Variants in GALNT18 observed in about 807,000 individuals in gnomAD.
GALNT18 encodes GalNAc-transferase 18.
In GALNT18, 44 loss-of-function variants were observed where a neutral mutation model predicts 69.5. The observed-to-expected ratio is 0.63, with a 90% CI of 0.50 to 0.81. The LOEUF (loss-of-function observed/expected upper bound fraction) is 0.81, where lower values mean the gene tolerates loss of function less well. Ranked by LOEUF, GALNT18 falls within the 40% of genes least tolerant of loss-of-function variation. The pLI is 0.00. For missense variants in GALNT18, 715 were observed against 810.0 expected (o/e 0.88, Z 1.42); for synonymous variants, 364 against 318.2 (o/e 1.14, Z -1.53).
chr11:11,578,963 G>A (rs1320884917), intron 1 of GALNT18, among the ~76,000 whole-genome samples: 2 of 152,198 alleles, frequency 1.3e-5, no homozygotes, highest in East Asian at 3.9e-4. Context: ...GGATGGGGTG[G>A]CCTCTCTTGC....
intron 1 of GALNT18, among the ~76,000 whole-genome samples, chr11:11,609,176 AC>A (rs1428239364): frequency 1.3e-5 from 2 of 152,028 alleles, no homozygotes; most frequent in Non-Finnish European, 2.9e-5. Context: ...CTCTCTGCTC[AC>A]CCCCTCTGGT....
chr11:11,445,088 A>T (rs957878544), intron 2 of GALNT18, among the ~76,000 whole-genome samples: 2 of 152,160 alleles, frequency 1.3e-5, no homozygotes, highest in Non-Finnish European at 2.9e-5. Flanking sequence ...TCCCTCCAAA[A>T]CTGATCAGCA....
Position 11,494,188 on chromosome 11 carries a change from G to GAAT in GALNT18, c.236-45255_236-45253dup, listed in dbSNP as rs944161734. Among the ~76,000 whole-genome samples, 1 of 152,128 alleles carries GAAT rather than the reference G, an allele frequency of 6.6e-6. No homozygotes were observed. Among genetic ancestry groups the GAAT allele is most frequent in the African/African-American group, 2.4e-5 (1 of 41,430 alleles). ...CATCAGGAATAAGATAAGATGAAAG[G>GAAT]AATACAGTCCCAGGAGTAGGAGCTA... is the stretch of plus-strand genomic sequence containing the variant. On this transcript the variant is annotated intron_variant, in intron 1 of 10. Transcript: ENST00000227756. The surrounding 1 kb of genome is among the most constrained non-coding windows in gnomAD (Gnocchi z 5.7).
In GALNT18 at chr11:11,553,171, G is replaced by A. The variant is rs186341485; in HGVS notation, c.235+68188C>T. Among the ~76,000 whole-genome samples the A allele has an allele frequency of 3.5e-4, 53 of 152,242 alleles. No individual in the cohort carries two copies. The Middle Eastern group carries it at 0.01, about 29-fold the overall frequency. ...GAAAGCAAGCCCTCCAGGTGACTCC[G>A]ACCTACTCTCAAGTTCGAGAACCAC... On this transcript the variant is annotated intron_variant, in intron 1 of 10. Coordinates refer to ENST00000227756, the MANE Select transcript of GALNT18 (RefSeq NM_198516.3).
rs1486912429 is a variant in GALNT18 at position 11,436,634 on chromosome 11, T to C, written c.429-3847A>G. Among the ~76,000 whole-genome samples, 2 of 152,212 alleles carry C rather than the reference T, an allele frequency of 1.3e-5. No homozygotes were observed. The highest frequency in any genetic ancestry group is 2.9e-5 in the Non-Finnish European group (2 of 68,052). Reference sequence around the variant, plus strand: ...CAAAACACACGTTCATGCCACATCATGACACGGTCTGTAGTTCGTATCTTC... The same window carrying C: ...CAAAACACACGTTCATGCCACATCACGACACGGTCTGTAGTTCGTATCTTC... On this transcript the variant is annotated intron_variant, in intron 2 of 10. Coordinates refer to ENST00000227756, the MANE Select transcript of GALNT18 (RefSeq NM_198516.3). This position sits in a 1 kb window ranked among gnomAD's most constrained non-coding sequence, Gnocchi z 4.5.
rs944561501 is a variant in GALNT18 at position 11,586,695 on chromosome 11, C to A, written c.235+34664G>T. 6.6e-6 allele frequency among the ~76,000 whole-genome samples: 1 copy of A among 152,118 alleles called. No individual in the cohort carries two copies. On this transcript the variant is annotated intron_variant, in intron 1 of 10. Coordinates refer to ENST00000227756, the MANE Select transcript of GALNT18 (RefSeq NM_198516.3). The surrounding 1 kb of genome is among the most constrained non-coding windows in gnomAD (Gnocchi z 4.1). ...CAGTTCTTAAAATACTGAAATAGGC[C>A]GGGCTTGGTAGCTCATGCCTGTAAT...
chr11:11,306,622 A>T (rs185079966), intron 9 of GALNT18, among the ~76,000 whole-genome samples: 109 of 152,344 alleles, frequency 7.2e-4, no homozygotes, highest in African/African-American at 2.3e-3. Context: ...TACAAAACTA[A>T]GGCCATTCAT....
chr11:11,401,809 T>A (rs574587064), intron 3 of GALNT18, among the ~76,000 whole-genome samples: 44 of 152,178 alleles, frequency 2.9e-4, no homozygotes, highest in African/African-American at 1.1e-3. Context: ...TCTCAAAGAG[T>A]TCCTAGCCAA....
chr11:11,486,164 G>T (rs986317558), intron 1 of GALNT18, among the ~76,000 whole-genome samples: 1 of 152,194 alleles, frequency 6.6e-6, no homozygotes, highest in Non-Finnish European at 1.5e-5. Context: ...GAGTAGGCCT[G>T]CTGGCACCTG....
At chr11:11,536,489 G>A (rs1857775922) in intron 1 of GALNT18, among the ~76,000 whole-genome samples, 1 of 152,152 alleles carries the variant, frequency 6.6e-6, no homozygotes, top group Admixed American at 6.5e-5. Context: ...GGAAACCAGG[G>A]CTTCCCCTCC....
At chr11:11,292,473 C>T (rs372570621) in intron 10 of GALNT18, among the ~76,000 whole-genome samples, 8 of 152,148 alleles carry the variant, frequency 5.3e-5, no homozygotes, top group East Asian at 1.9e-4. Context: ...GACTGCCTTT[C>T]GCCAAATGGC....
intron 1 of GALNT18, among the ~76,000 whole-genome samples, chr11:11,565,771 T>C (rs919911868): frequency 5.3e-5 from 8 of 152,160 alleles, no homozygotes; most frequent in Non-Finnish European, 1.0e-4. Context: ...TGCTACAACA[T>C]CAGAAAATCC....
rs188321804 is a variant in GALNT18 at position 11,382,466 on chromosome 11, A to G, written c.596-3202T>C. On this transcript the variant is annotated intron_variant, in intron 3 of 10. Coordinates refer to ENST00000227756, the MANE Select transcript of GALNT18 (RefSeq NM_198516.3). The surrounding 1 kb of genome is among the most constrained non-coding windows in gnomAD (Gnocchi z 4.3). ...TGACTATTAACTATTTTATATACAC[A>G]TAAACACACACACATACCTGTTCAC... Among the ~76,000 whole-genome samples, 75 of 152,352 alleles carry G rather than the reference A, an allele frequency of 4.9e-4. No individual in the cohort carries two copies. Among genetic ancestry groups the G allele is most frequent in the Middle Eastern group, 3.4e-3 (1 of 294 alleles).
At chr11:11,530,577 A>T (rs1857623685) in intron 1 of GALNT18, among the ~76,000 whole-genome samples, 1 of 152,174 alleles carries the variant, frequency 6.6e-6, no homozygotes. Flanking sequence ...TCTAGAGGAA[A>T]AGGAAAGGCA....
At chr11:11,447,585 A>G (rs1361991121) in intron 2 of GALNT18, among the ~76,000 whole-genome samples, 1 of 152,118 alleles carries the variant, frequency 6.6e-6, no homozygotes, top group Non-Finnish European at 1.5e-5. Flanking sequence ...GGTTCAATTG[A>G]CTCACAGTTC....
At chr11:11,529,946 A>G (rs1218013277) in intron 1 of GALNT18, among the ~76,000 whole-genome samples, 1 of 152,208 alleles carries the variant, frequency 6.6e-6, no homozygotes, top group Non-Finnish European at 1.5e-5. Context: ...GAAGTTCTTC[A>G]GAGTCTGGAC....
intron 3 of GALNT18, among the ~76,000 whole-genome samples, chr11:11,428,452 C>G (rs972647663): frequency 6.6e-5 from 10 of 152,270 alleles, no homozygotes; most frequent in Non-Finnish European, 1.5e-4. Context: ...TGTTGGCCAT[C>G]AGGCCACTGA....
At chr11:11,588,304 C>T (rs887771216) in intron 1 of GALNT18, among the ~76,000 whole-genome samples, 3 of 152,154 alleles carry the variant, frequency 2.0e-5, no homozygotes, top group African/African-American at 7.2e-5. Context: ...ACTACATCTC[C>T]CCCTTTGCAT....
At chr11:11,513,957 G>T (rs1374500345) in intron 1 of GALNT18, among the ~76,000 whole-genome samples, 1 of 147,956 alleles carries the variant, frequency 6.8e-6, no homozygotes, top group Non-Finnish European at 1.5e-5. Flanking sequence ...CAAACTACTG[G>T]TGAGCAGCTC....
Sources: allele counts gnomAD v4.1 joint callset (sites outside exome capture counted in the v4.1 genomes callset), GRCh38; gene constraint gnomAD v4.1.1; non-coding constraint Gnocchi (gnomAD v3.1); transcripts MANE v1.5; gene names NCBI Gene and HGNC (gene_info 2026-07-23, HGNC 2026-07-21).